SLC35F3: variants seen among roughly 807,000 people sequenced by gnomAD.
SLC35F3 encodes the protein putative thiamine transporter SLC35F3.
SLC35F3 carries 25 observed loss-of-function variants against 49.9 expected under a neutral mutation model. That is an observed-to-expected ratio of 0.50 (90% CI 0.37 to 0.70). The LOEUF (loss-of-function observed/expected upper bound fraction) is 0.70, where lower values mean the gene tolerates loss of function less well. Among genes scored for constraint, SLC35F3 ranks in the 30% least tolerant of loss-of-function variants. The probability of loss-of-function intolerance (pLI) is 0.00; values close to 1 mark genes in which losing one functional copy is unlikely to be tolerated. For synonymous variants in SLC35F3, 275 were observed against 265.4 expected (o/e 1.04, Z -0.35); for missense variants, 525 against 639.8 (o/e 0.82, Z 1.94).
At chr1:234,085,565 G>C (rs1664948754) in intron 2 of SLC35F3, among the ~76,000 whole-genome samples, 1 of 152,172 alleles carries the variant, frequency 6.6e-6, no homozygotes, top group Admixed American at 6.5e-5. Flanking sequence ...GATGTAATTT[G>C]TATTGGGCTA....
In SLC35F3 at chr1:234,231,449, G is replaced by A. The variant is rs751955469; in HGVS notation, c.316G>A (p.Ala106Thr). Residue 106 changes from alanine (A) to threonine (T), a missense_variant, in exon 3 of 8, where the codon GCG (alanine) becomes ACG (threonine). Ala to Thr is a moderately conservative substitution (Grantham distance 58, BLOSUM62 0). This residue lies in a region of SLC35F3 where 228 missense variants were observed against 218.9 expected (regional missense o/e 1.04). Coordinates refer to ENST00000366618, the MANE Select transcript of SLC35F3 (RefSeq NM_173508.4). The surrounding 1 kb of genome is among the most constrained non-coding windows in gnomAD (Gnocchi z 5.4). ...GCGCCCCCGGGACTCCCCGGGCCCG[G>A]CGGAGGCCCAGGCACCGGCCGGGGT... Reference protein sequence around the residue: ...EERPRDSPGPAEAQAPAGVEA... With the variant: ...EERPRDSPGPTEAQAPAGVEA... 1.9e-6 allele frequency: 3 copies of A among 1,605,616 alleles called. No homozygotes were observed. Among genetic ancestry groups the A allele is most frequent in the East Asian group, 2.2e-5 (1 of 44,692 alleles).
chr1:234,099,635 A>G (rs982470797), intron 2 of SLC35F3, among the ~76,000 whole-genome samples: 1 of 151,918 alleles, frequency 6.6e-6, no homozygotes, highest in African/African-American at 2.4e-5. Flanking sequence ...AAACAAAAAA[A>G]AGATTTTACC....
intron 2 of SLC35F3, among the ~76,000 whole-genome samples, chr1:234,101,175 C>T (rs529860604): frequency 6.6e-5 from 10 of 152,124 alleles, no homozygotes; most frequent in Admixed American, 2.6e-4. Context: ...AGGTTGGGTG[C>T]CCTGCAGTAT....
At chr1:233,921,889 G>A (rs1453987017) in intron 2 of SLC35F3, among the ~76,000 whole-genome samples, 3 of 150,896 alleles carry the variant, frequency 2.0e-5, no homozygotes, top group East Asian at 3.9e-4. Context: ...TGAGAACATG[G>A]GTATTTGGTT....
chr1:234,245,327 C>G (rs1045997826), intron 3 of SLC35F3, among the ~76,000 whole-genome samples: 6 of 152,224 alleles, frequency 3.9e-5, no homozygotes, highest in Admixed American at 6.5e-5. Context: ...GAATGGTATT[C>G]CATTGTGTAT....
At chr1:234,038,840 A>T (rs1558212113) in intron 2 of SLC35F3, among the ~76,000 whole-genome samples, 1 of 152,200 alleles carries the variant, frequency 6.6e-6, no homozygotes, top group Non-Finnish European at 1.5e-5. Flanking sequence ...CACTGAAGAT[A>T]ACACCCATAG....
At chr1:233,940,669 G>C (rs544554405) in intron 2 of SLC35F3, among the ~76,000 whole-genome samples, 14 of 152,212 alleles carry the variant, frequency 9.2e-5, no homozygotes, top group African/African-American at 2.9e-4. Flanking sequence ...ATATTTCCTT[G>C]TGCTCCTCTA....
chr1:233,923,813 C>T (rs1015663129), intron 2 of SLC35F3, among the ~76,000 whole-genome samples: 1 of 152,080 alleles, frequency 6.6e-6, no homozygotes, highest in African/African-American at 2.4e-5. Context: ...TTTTGAGATA[C>T]ATTCCATCGA....
At chr1:234,014,465 A>T (rs1393988157) in intron 2 of SLC35F3, among the ~76,000 whole-genome samples, 1 of 152,226 alleles carries the variant, frequency 6.6e-6, no homozygotes, top group Non-Finnish European at 1.5e-5. Context: ...TAGTGGAAGT[A>T]CTACTAGCCA....
chr1:234,150,908 GAC>G (rs1666066550), intron 2 of SLC35F3, among the ~76,000 whole-genome samples: 1 of 152,188 alleles, frequency 6.6e-6, no homozygotes, highest in Non-Finnish European at 1.5e-5. Context: ...AGAACAAAAG[GAC>G]CCAAAATTGC....
At chr1:234,134,889 T>G (rs979682140) in intron 2 of SLC35F3, among the ~76,000 whole-genome samples, 1 of 151,942 alleles carries the variant, frequency 6.6e-6, no homozygotes, top group African/African-American at 2.4e-5. Context: ...GCCCGGATAA[T>G]TTTTGTATTT....
At chr1:234,168,311 C>T (rs1470861219) in intron 2 of SLC35F3, among the ~76,000 whole-genome samples, 2 of 152,234 alleles carry the variant, frequency 1.3e-5, no homozygotes, top group Non-Finnish European at 2.9e-5. Flanking sequence ...GGTACTCCCC[C>T]AGGGGTCCGT....
At chr1:233,978,560 G>A (rs1663129189) in intron 2 of SLC35F3, among the ~76,000 whole-genome samples, 1 of 152,172 alleles carries the variant, frequency 6.6e-6, no homozygotes, top group African/African-American at 2.4e-5. Flanking sequence ...ACCTGATGCT[G>A]GGACTGCGGC....
intron 2 of SLC35F3, among the ~76,000 whole-genome samples, chr1:233,984,796 A>G (rs1558197012): frequency 6.6e-6 from 1 of 152,186 alleles, no homozygotes; most frequent in South Asian, 2.1e-4. Context: ...GTGGGGGTCT[A>G]GGATTCTGAA....
chr1:234,035,253 T>G (rs1664124771), intron 2 of SLC35F3, among the ~76,000 whole-genome samples: 1 of 152,220 alleles, frequency 6.6e-6, no homozygotes, highest in Non-Finnish European at 1.5e-5. Context: ...ATTTTTATAC[T>G]TAACTGATAA....
intron 2 of SLC35F3, among the ~76,000 whole-genome samples, chr1:233,947,000 A>G (rs1003914276): frequency 6.6e-6 from 1 of 152,188 alleles, no homozygotes; most frequent in African/African-American, 2.4e-5. Context: ...ATAGATAAGC[A>G]AGTAAAATAA....
intron 2 of SLC35F3, among the ~76,000 whole-genome samples, chr1:234,196,700 G>A (rs913118808): frequency 2.0e-5 from 3 of 152,256 alleles, no homozygotes; most frequent in Admixed American, 1.3e-4. Context: ...AGCACTTCAG[G>A]AGGCTGAGGT....
chr1:234,241,768 A>C (rs911829472), intron 3 of SLC35F3, among the ~76,000 whole-genome samples: 4 of 151,330 alleles, frequency 2.6e-5, no homozygotes, highest in African/African-American at 9.7e-5. Flanking sequence ...GGAGACAATA[A>C]TGCCTGTTTA....
intron 2 of SLC35F3, among the ~76,000 whole-genome samples, chr1:234,067,422 A>G (rs1446706167): frequency 6.6e-6 from 1 of 152,178 alleles, no homozygotes; most frequent in Non-Finnish European, 1.5e-5. Context: ...GTCTCTGAGC[A>G]AGGGTGTGGT....
Sources: allele counts gnomAD v4.1 joint callset (sites outside exome capture counted in the v4.1 genomes callset), GRCh38; gene constraint gnomAD v4.1.1; regional missense constraint gnomAD v4.1.1; non-coding constraint Gnocchi (gnomAD v3.1); transcripts MANE v1.5; gene names NCBI Gene and HGNC (gene_info 2026-07-23, HGNC 2026-07-21).